The following SPRR2G variants were observed in gnomAD, a reference collection of about 807,000 sequenced individuals.
SPRR2G encodes small proline-rich protein 2G.
Under a neutral mutation model 0.7 loss-of-function variants are expected in SPRR2G, and 1 was observed. The observed-to-expected ratio is 1.49, with a 90% CI of 0.53 to 7.06. The LOEUF is 7.06. SPRR2G is among the 30% of genes most tolerant of loss of function. SPRR2G has a pLI of 0.14. For synonymous variants in SPRR2G, 38 were observed against 33.9 expected (o/e 1.12, Z -0.42); for missense variants, 96 against 88.5 (o/e 1.09, Z -0.34).
In SPRR2G at chr1:153,149,838, G is replaced by T. The variant is rs761613805; in HGVS notation, c.*51C>A. 1.2e-6 allele frequency: 2 copies of T among 1,602,034 alleles called. No homozygotes were observed. The highest frequency in any genetic ancestry group is 1.3e-5 in the African/African-American group (1 of 74,808). On this transcript the variant is annotated 3_prime_UTR_variant, in exon 2 of 2. Coordinates refer to ENST00000368748, the MANE Select transcript of SPRR2G (RefSeq NM_001014291.4). ...GAAGATGATGGAGTCCTGGGAGTAAGAAGAGCCACTGGATCTTGTTGTTTC... is the reference window on the plus strand; with the variant it reads ...GAAGATGATGGAGTCCTGGGAGTAATAAGAGCCACTGGATCTTGTTGTTTC...
chr1:153,166,827 A>T, the SPRR2G span, among the ~76,000 whole-genome samples: 1 of 152,228 alleles, frequency 6.6e-6, no homozygotes, highest in Non-Finnish European at 1.5e-5. Context: ...GACAGAAAAT[A>T]TCTTGATGTG....
At chr1:153,194,468 T>A in the SPRR2G span, among the ~76,000 whole-genome samples, 6 of 152,198 alleles carry the variant, frequency 3.9e-5, no homozygotes, top group Admixed American at 2.0e-4. Flanking sequence ...AAGAGGGTGT[T>A]AGCAACTTCT....
chr1:153,151,472 G>A (rs1263514350), upstream of SPRR2G, among the ~76,000 whole-genome samples: 2 of 152,044 alleles, frequency 1.3e-5, no homozygotes, highest in Non-Finnish European at 2.9e-5. Flanking sequence ...GGTATTAATG[G>A]GCTTGAACAA....
At chr1:153,166,170 G>C in the SPRR2G span, among the ~76,000 whole-genome samples, 2 of 152,044 alleles carry the variant, frequency 1.3e-5, no homozygotes, top group Non-Finnish European at 2.9e-5. Flanking sequence ...GGGTTGATAG[G>C]GCAGGTCCAG....
chr1:153,186,029 T>A, the SPRR2G span, among the ~76,000 whole-genome samples: 1 of 152,188 alleles, frequency 6.6e-6, no homozygotes, highest in Non-Finnish European at 1.5e-5. Context: ...CAGTTTTGAG[T>A]GAGTTTCTTA....
the SPRR2G span, among the ~76,000 whole-genome samples, chr1:153,166,958 A>T: frequency 2.0e-5 from 3 of 152,186 alleles, no homozygotes; most frequent in African/African-American, 7.2e-5. Flanking sequence ...AAATTGACAA[A>T]GGTCTATAAA....
chr1:153,196,736 A>G, the SPRR2G span, among the ~76,000 whole-genome samples: 1 of 152,244 alleles, frequency 6.6e-6, no homozygotes, highest in Non-Finnish European at 1.5e-5. Context: ...TCTGCTTTTC[A>G]CTGCCTTCCT....
At chr1:153,183,621 C>G in the SPRR2G span, among the ~76,000 whole-genome samples, 1 of 151,954 alleles carries the variant, frequency 6.6e-6, no homozygotes, top group African/African-American at 2.4e-5. Context: ...GGATATTAGA[C>G]CTTTGTCAGA....
At chr1:153,181,143 T>C in the SPRR2G span, among the ~76,000 whole-genome samples, 5 of 152,204 alleles carry the variant, frequency 3.3e-5, no homozygotes, top group Admixed American at 6.5e-5. Context: ...ATCCAATTTG[T>C]CATTTTTCCA....
chr1:153,195,806 C>T, the SPRR2G span, among the ~76,000 whole-genome samples: 1 of 152,080 alleles, frequency 6.6e-6, no homozygotes, highest in African/African-American at 2.4e-5. Flanking sequence ...GACTCTATCT[C>T]ACTCATCACA....
chr1:153,150,170 A>G (rs1054643355), intron 1 of SPRR2G, 39 bp from the exon 2 acceptor site: 27 of 1,604,510 alleles, frequency 1.7e-5, no homozygotes, highest in Non-Finnish European at 2.2e-5. Flanking sequence ...TAAGAGAGAC[A>G]GTCCTGTTGG....
the SPRR2G span, among the ~76,000 whole-genome samples, chr1:153,167,023 T>C: frequency 6.6e-6 from 1 of 152,120 alleles, no homozygotes; most frequent in African/African-American, 2.4e-5. Context: ...CATGGCATAA[T>C]CAGAATGGAC....
chr1:153,193,898 C>T, the SPRR2G span, among the ~76,000 whole-genome samples: 1 of 152,202 alleles, frequency 6.6e-6, no homozygotes, highest in Admixed American at 6.5e-5. Context: ...TCTATGAGGG[C>T]TGCATGGACA....
the SPRR2G span, among the ~76,000 whole-genome samples, chr1:153,200,062 C>T: frequency 6.6e-6 from 1 of 152,170 alleles, no homozygotes; most frequent in African/African-American, 2.4e-5. Flanking sequence ...AATATGCAGA[C>T]ATACAGGGCC....
At chr1:153,198,668 G>A in the SPRR2G span, among the ~76,000 whole-genome samples, 2 of 152,260 alleles carry the variant, frequency 1.3e-5, no homozygotes, top group East Asian at 1.9e-4. Context: ...CACAGAGTCG[G>A]AGCGCATAAG....
the SPRR2G span, among the ~76,000 whole-genome samples, chr1:153,167,473 C>CA: frequency 9.4e-3 from 1,171 of 124,840 alleles, 19 homozygotes; most frequent in Non-Finnish European, 0.015. Flanking sequence ...AACTCTGTCT[C>CA]AAAAAAAAAC....
chr1:153,157,119 AAT>A, the SPRR2G span, among the ~76,000 whole-genome samples: 4 of 152,304 alleles, frequency 2.6e-5, no homozygotes, highest in South Asian at 8.3e-4. Flanking sequence ...TAAAATCAAA[AAT>A]ATTGTAAGGA....
the SPRR2G span, among the ~76,000 whole-genome samples, chr1:153,173,035 G>A: frequency 6.6e-6 from 1 of 152,174 alleles, no homozygotes; most frequent in Non-Finnish European, 1.5e-5. Context: ...ATAAAGTCAT[G>A]GAGATACTGA....
chr1:153,152,397 T>C (rs1656490440), upstream of SPRR2G, among the ~76,000 whole-genome samples: 1 of 152,164 alleles, frequency 6.6e-6, no homozygotes, highest in South Asian at 2.1e-4. Context: ...GATTTTTGCC[T>C]TGTGCTCTTT....
Sources: gnomAD v4.1 joint callset for allele counts (sites outside exome capture counted in the v4.1 genomes callset) on GRCh38, gnomAD v4.1.1 for gene constraint, MANE v1.5 for transcripts, NCBI Gene and HGNC (gene_info 2026-07-23, HGNC 2026-07-21) for gene names.